MAP2K5: variants seen among roughly 807,000 people sequenced by gnomAD.
The protein encoded by MAP2K5 is dual specificity mitogen-activated protein kinase kinase 5.
MAP2K5 carries 49 observed loss-of-function variants against 83.1 expected under a neutral mutation model. The ratio of observed to expected loss-of-function variants is 0.59; its 90% confidence interval spans 0.47 to 0.75. The LOEUF (loss-of-function observed/expected upper bound fraction) is 0.75, where lower values mean the gene tolerates loss of function less well. Among genes scored for constraint, MAP2K5 ranks in the 30% least tolerant of loss-of-function variants. The pLI is 0.00. For missense variants in MAP2K5, 457 were observed against 557.5 expected (o/e 0.82, Z 1.82); for synonymous variants, 202 against 191.8 (o/e 1.05, Z -0.44).
chr15:67,730,065 C>T (rs942036985), intron 17 of MAP2K5, among the ~76,000 whole-genome samples: 2 of 152,114 alleles, frequency 1.3e-5, no homozygotes, highest in East Asian at 1.9e-4. Context: ...GCTTTGATGC[C>T]GTTAGGCCTA....
intron 16 of MAP2K5, 56 bp from the exon 17 acceptor site, chr15:67,727,859 AG>A: frequency 7.8e-7 from 1 of 1,283,028 alleles, no homozygotes. Context: ...GTCTGTCTTA[AG>A]GAGATCTGCC....
chr15:67,609,869 C>T (rs547387846), intron 8 of MAP2K5, among the ~76,000 whole-genome samples: 2 of 151,868 alleles, frequency 1.3e-5, no homozygotes, highest in Non-Finnish European at 2.9e-5. Flanking sequence ...AGGCGGAAGC[C>T]CTAAGATTAA....
intron 19 of MAP2K5, among the ~76,000 whole-genome samples, chr15:67,763,174 G>T (rs1383105455): frequency 6.6e-6 from 1 of 151,898 alleles, no homozygotes; most frequent in Non-Finnish European, 1.5e-5. Context: ...TCAAAGCCTC[G>T]CTTTCACCCT....
chr15:67,721,782 A>G (rs1167610050), intron 16 of MAP2K5, among the ~76,000 whole-genome samples: 1 of 152,184 alleles, frequency 6.6e-6, no homozygotes, highest in Non-Finnish European at 1.5e-5. Flanking sequence ...TGGGTTCACT[A>G]TATTCTCTTG....
Position 67,565,975 on chromosome 15 carries a change from G to A in MAP2K5, c.252+2625G>A, listed in dbSNP as rs2084830080. Among the ~76,000 whole-genome samples the A allele has an allele frequency of 6.6e-6, 1 of 152,134 alleles. No homozygotes were observed. Among genetic ancestry groups the A allele is most frequent in the Non-Finnish European group, 1.5e-5 (1 of 68,032 alleles). The stretch of plus-strand genomic sequence containing the variant: ...GAAATTTAAGGAGAACCATTTGGAC[G>A]TAACCTTACAGTAGGTTTTGATTGG... On this transcript the variant is annotated intron_variant, in intron 3 of 21. Coordinates refer to ENST00000178640, the MANE Select transcript of MAP2K5 (RefSeq NM_145160.3). This position sits in a 1 kb window ranked among gnomAD's most constrained non-coding sequence, Gnocchi z 4.1.
In MAP2K5 at chr15:67,760,184, A is replaced by G. The variant is rs1723098602; in HGVS notation, c.1135-9418A>G. ...TATTGGTAATAACTGTTTCTTTAGA[A>G]ATGACATTAACATTCTACCAAAACA... is the stretch of plus-strand genomic sequence containing the variant. On this transcript the variant is annotated intron_variant, in intron 19 of 21. Transcript: ENST00000178640. This position sits in a 1 kb window ranked among gnomAD's most constrained non-coding sequence, Gnocchi z 4.1. 6.6e-6 allele frequency among the ~76,000 whole-genome samples: 1 copy of G among 152,222 alleles called. No individual in the cohort carries two copies. The highest frequency in any genetic ancestry group is 1.5e-5 in the Non-Finnish European group (1 of 68,040).
In MAP2K5 at chr15:67,700,140, A is replaced by G. The variant is rs1349534204; in HGVS notation, c.973-3197A>G. 2.0e-5 allele frequency among the ~76,000 whole-genome samples: 3 copies of G among 152,176 alleles called. No homozygotes were observed. In the East Asian group the frequency reaches 5.8e-4, roughly 29 times the overall value. On this transcript the variant is annotated intron_variant, in intron 15 of 21. Transcript: ENST00000178640. Reference sequence around the variant, plus strand: ...CCTTGGTATCTTCCTGCTTTTGACAAATATCGTTGTAAACAGACGGTTCTG... The same window carrying G: ...CCTTGGTATCTTCCTGCTTTTGACAGATATCGTTGTAAACAGACGGTTCTG...
intron 1 of MAP2K5, among the ~76,000 whole-genome samples, chr15:67,549,651 T>C (rs1166501001): frequency 6.6e-6 from 1 of 152,218 alleles, no homozygotes. Context: ...GTGATTTTTT[T>C]CCCAGAGATT....
rs972218526 is a variant in MAP2K5, at chr15:67,781,114, A to G, written c.1242+8362A>G. Reference sequence around the variant, plus strand: ...TGGGAATAATGGATTCAGTTGAAAAAGATCAGAGACATTCAGCCGTTTGTG... The same window carrying G: ...TGGGAATAATGGATTCAGTTGAAAAGGATCAGAGACATTCAGCCGTTTGTG... On this transcript the variant is annotated intron_variant, in intron 21 of 21. Coordinates refer to ENST00000178640, the MANE Select transcript of MAP2K5 (RefSeq NM_145160.3). The surrounding 1 kb of genome is among the most constrained non-coding windows in gnomAD (Gnocchi z 4.0). Among the ~76,000 whole-genome samples, 2 of 152,222 alleles carry G rather than the reference A, an allele frequency of 1.3e-5. No individual in the cohort carries two copies. Among genetic ancestry groups the G allele is most frequent in the African/African-American group, 4.8e-5 (2 of 41,462 alleles).
chr15:67,725,989 A>G (rs1033602235), intron 16 of MAP2K5, among the ~76,000 whole-genome samples: 1 of 149,676 alleles, frequency 6.7e-6, no homozygotes, highest in Non-Finnish European at 1.5e-5. Context: ...AAACTTCGAA[A>G]GGGAGTTTGG....
chr15:67,607,125 A>G (rs2085794768), intron 8 of MAP2K5, among the ~76,000 whole-genome samples: 1 of 152,202 alleles, frequency 6.6e-6, no homozygotes, highest in Non-Finnish European at 1.5e-5. Flanking sequence ...GGTTTGATTT[A>G]TTTTGACTTT....
intron 19 of MAP2K5, among the ~76,000 whole-genome samples, chr15:67,761,382 C>T (rs976268509): frequency 2.6e-5 from 4 of 152,144 alleles, no homozygotes; most frequent in African/African-American, 7.2e-5. Flanking sequence ...CACAGTTTCA[C>T]GTATAATTCT....
chr15:67,637,612 T>C lies in MAP2K5; in HGVS notation c.585+6685T>C, dbSNP rs1234740445. Among the ~76,000 whole-genome samples the C allele has an allele frequency of 6.6e-6, 1 of 152,146 alleles. No homozygotes were observed. The highest frequency in any genetic ancestry group is 1.5e-5 in the Non-Finnish European group (1 of 68,034). ...CTGACATCTATGTACAGATCATTCA[T>C]TACTCAGCTGAAGACTCCAGGACCC... On this transcript the variant is annotated intron_variant, in intron 9 of 21. Transcript: ENST00000178640. This position sits in a 1 kb window ranked among gnomAD's most constrained non-coding sequence, Gnocchi z 4.5.
At chr15:67,605,809 A>G (rs1157958560) in intron 8 of MAP2K5, among the ~76,000 whole-genome samples, 1 of 152,212 alleles carries the variant, frequency 6.6e-6, no homozygotes, top group African/African-American at 2.4e-5. Flanking sequence ...TAAAATGAGA[A>G]TGAGGCAAGT....
At position 67,563,031 on chromosome 15, in the gene MAP2K5, A is replaced by T. The variant is rs2084769543; in HGVS notation, c.185-252A>T. Among the ~76,000 whole-genome samples the T allele has an allele frequency of 6.6e-6, 1 of 152,186 alleles. No homozygotes were observed. ...GTCATACTCCAGTTATATTTACTTT[A>T]ACCTAGAGATATGTTGTGAATGACA... On this transcript the variant is annotated intron_variant, in intron 2 of 21. Transcript: ENST00000178640. The surrounding 1 kb of genome is among the most constrained non-coding windows in gnomAD (Gnocchi z 4.5).
chr15:67,759,169 C>T (rs2089900143), intron 19 of MAP2K5, among the ~76,000 whole-genome samples: 1 of 152,096 alleles, frequency 6.6e-6, no homozygotes, highest in African/African-American at 2.4e-5. Flanking sequence ...AGGCAGGGTG[C>T]CTGAGAAGCC....
At chr15:67,687,050 T>G (rs2087975900) in intron 13 of MAP2K5, among the ~76,000 whole-genome samples, 1 of 152,184 alleles carries the variant, frequency 6.6e-6, no homozygotes, top group Non-Finnish European at 1.5e-5. Flanking sequence ...TGTGGTTGCA[T>G]GGATGTAGAC....
chr15:67,653,189 A>G (rs2141131357), intron 11 of MAP2K5, among the ~76,000 whole-genome samples: 1 of 152,144 alleles, frequency 6.6e-6, no homozygotes, highest in Middle Eastern at 3.4e-3. Context: ...GTTGGTAGTA[A>G]TGTTCCCTCT....
At position 67,622,296 on chromosome 15, in the gene MAP2K5, G is replaced by A. The variant is rs144041631; in HGVS notation, c.546-8592G>A. Among the ~76,000 whole-genome samples, 330 of 152,296 alleles carry A rather than the reference G, an allele frequency of 2.2e-3. 1 individual carries two copies. Among genetic ancestry groups the A allele is most frequent in the African/African-American group, 7.6e-3 (315 of 41,564 alleles). Reference sequence around the variant, plus strand: ...ATTGGAGAAAGTGGCCCAGCCCTCAGGAGTAGGTGCAAAGGCCCCGAGGCA... The same window carrying A: ...ATTGGAGAAAGTGGCCCAGCCCTCAAGAGTAGGTGCAAAGGCCCCGAGGCA... On this transcript the variant is annotated intron_variant, in intron 8 of 21. Coordinates refer to ENST00000178640, the MANE Select transcript of MAP2K5 (RefSeq NM_145160.3).
Sources: allele counts gnomAD v4.1 joint callset (sites outside exome capture counted in the v4.1 genomes callset), GRCh38; gene constraint gnomAD v4.1.1; non-coding constraint Gnocchi (gnomAD v3.1); transcripts MANE v1.5; gene names NCBI Gene and HGNC (gene_info 2026-07-23, HGNC 2026-07-21).